Variants in SPHKAP observed in about 807,000 individuals in gnomAD.
SPHKAP encodes the protein A-kinase anchor protein SPHKAP.
In SPHKAP, 67 loss-of-function variants were observed where a neutral mutation model predicts 137.5. The observed-to-expected ratio is 0.49, with a 90% CI of 0.40 to 0.60. The LOEUF is 0.60. Among genes scored for constraint, SPHKAP ranks in the 20% least tolerant of loss-of-function variants. The pLI is 0.00. For synonymous variants in SPHKAP, 813 were observed against 785.3 expected (o/e 1.04, Z -0.59); for missense variants, 2,097 against 2,069.3 (o/e 1.01, Z -0.26).
intron 3 of SPHKAP, among the ~76,000 whole-genome samples, chr2:228,093,492 T>G (rs1485708037): frequency 6.6e-6 from 1 of 152,094 alleles, no homozygotes. Flanking sequence ...CTTGAAAATA[T>G]GCTAAGTGAA....
At chr2:228,136,223 G>A (rs568448032) in intron 1 of SPHKAP, among the ~76,000 whole-genome samples, 15 of 152,164 alleles carry the variant, frequency 9.9e-5, no homozygotes, top group Middle Eastern at 3.4e-3. Flanking sequence ...TTCTTCCCTG[G>A]GAGATTTTCC....
chr2:228,030,536 C>CA (rs1263087267), intron 3 of SPHKAP, among the ~76,000 whole-genome samples: 61 of 41,736 alleles, frequency 1.5e-3, no homozygotes, highest in African/African-American at 2.8e-3. Context: ...AAAAAAACAA[C>CA]AAAAAACAAA....
intron 1 of SPHKAP, among the ~76,000 whole-genome samples, chr2:228,155,111 C>T (rs951275352): frequency 6.6e-6 from 1 of 152,076 alleles, no homozygotes; most frequent in African/African-American, 2.4e-5. Flanking sequence ...TGTACCTTTG[C>T]CCAATTCATT....
At chr2:228,010,487 GCACCA>G (rs1559344401) in intron 7 of SPHKAP, among the ~76,000 whole-genome samples, 57 of 152,230 alleles carry the variant, frequency 3.7e-4, no homozygotes, top group Middle Eastern at 3.4e-3. Flanking sequence ...AGCCGAGATC[GCACCA>G]CTGCACTCTA....
chr2:227,998,112 C>T (rs2396546), intron 7 of SPHKAP, among the ~76,000 whole-genome samples: 110,544 of 152,082 alleles, frequency 0.73, 40,749 homozygotes, highest in African/African-American at 0.85. Context: ...ATATAAGCAA[C>T]TCCCCTGCCT....
chr2:228,010,480 C>T (rs1423180203), intron 7 of SPHKAP, among the ~76,000 whole-genome samples: 3 of 152,092 alleles, frequency 2.0e-5, no homozygotes, highest in Non-Finnish European at 4.4e-5. Context: ...TGCAGTGAGC[C>T]GAGATCGCAC....
At chr2:227,984,889 C>G (rs1475599886) in intron 11 of SPHKAP, among the ~76,000 whole-genome samples, 1 of 152,182 alleles carries the variant, frequency 6.6e-6, no homozygotes, top group Non-Finnish European at 1.5e-5. Flanking sequence ...CTGATGGAAA[C>G]ATGACATTTG....
chr2:228,010,566 G>A (rs1485734543), intron 7 of SPHKAP, among the ~76,000 whole-genome samples: 1 of 152,014 alleles, frequency 6.6e-6, no homozygotes, highest in African/African-American at 2.4e-5. Context: ...ACGGATGGAG[G>A]GCAAGTTGAG....
intron 3 of SPHKAP, among the ~76,000 whole-genome samples, chr2:228,054,303 G>A (rs1484224692): frequency 6.6e-6 from 1 of 152,176 alleles, no homozygotes; most frequent in African/African-American, 2.4e-5. Flanking sequence ...AAGTGCATAT[G>A]AGGGTGAGAA....
In SPHKAP at chr2:228,016,655, T is replaced by A; in HGVS notation, c.4199A>T (p.Asp1400Val). ...GCACGAGGAAGTTTCTTTTTTAGAA[T>A]CTAAAGGGCTGTGGTTTGTAAGAGA... Reference protein sequence around the residue: ...TASLTNHSPLDSKKETSSCQD... With the variant: ...TASLTNHSPLVSKKETSSCQD... Residue 1400 changes from aspartate (D) to valine (V), a missense_variant, in exon 7 of 12, where the codon GAT becomes GTT. Asp to Val is a radical substitution (Grantham distance 152, BLOSUM62 -3). Transcript: ENST00000392056. The A allele has an allele frequency of 6.2e-7, 1 of 1,614,004 alleles. No homozygotes were observed. The highest frequency in any genetic ancestry group is 1.1e-5 in the South Asian group (1 of 91,070).
chr2:228,123,356 C>T (rs753374730), intron 2 of SPHKAP, among the ~76,000 whole-genome samples: 8 of 152,190 alleles, frequency 5.3e-5, no homozygotes, highest in Non-Finnish European at 8.8e-5. Context: ...GCCTGAAGAC[C>T]ACTGACAGGC....
At chr2:228,091,115 C>T (rs1697715020) in intron 3 of SPHKAP, among the ~76,000 whole-genome samples, 1 of 152,030 alleles carries the variant, frequency 6.6e-6, no homozygotes, top group South Asian at 2.1e-4. Flanking sequence ...ATAAGAGACA[C>T]AGTGGAGTTT....
intron 11 of SPHKAP, among the ~76,000 whole-genome samples, chr2:227,990,403 T>C (rs566458983): frequency 1.3e-5 from 2 of 152,306 alleles, no homozygotes; most frequent in East Asian, 3.9e-4. Context: ...GGGAGACAGA[T>C]TCATGCCTTA....
chr2:228,091,795 AG>A (rs1697744101), intron 3 of SPHKAP, among the ~76,000 whole-genome samples: 1 of 152,148 alleles, frequency 6.6e-6, no homozygotes, highest in African/African-American at 2.4e-5. Flanking sequence ...TGTGGTGAAA[AG>A]GGAACACTAC....
chr2:228,076,386 G>C (rs2106308428), intron 3 of SPHKAP, among the ~76,000 whole-genome samples: 1 of 152,328 alleles, frequency 6.6e-6, no homozygotes, highest in African/African-American at 2.4e-5. Context: ...CTCAGAAGAA[G>C]ACAGGAAAAT....
chr2:228,103,190 G>A (rs919273731), intron 3 of SPHKAP, among the ~76,000 whole-genome samples: 2 of 152,126 alleles, frequency 1.3e-5, no homozygotes, highest in Non-Finnish European at 1.5e-5. Flanking sequence ...ACCCCCCACA[G>A]AAACCTAATT....
At chr2:228,023,027 C>T (rs960080366) in intron 5 of SPHKAP, among the ~76,000 whole-genome samples, 1 of 152,068 alleles carries the variant, frequency 6.6e-6, no homozygotes, top group African/African-American at 2.4e-5. Context: ...ATAAAGAGGC[C>T]CAAATTATAG....
chr2:228,053,585 C>T (rs1020025971), intron 3 of SPHKAP, among the ~76,000 whole-genome samples: 9 of 152,116 alleles, frequency 5.9e-5, no homozygotes, highest in Non-Finnish European at 1.2e-4. Context: ...TTTCCCCTAC[C>T]TTTCTCTGGA....
intron 1 of SPHKAP, chr2:228,173,135 G>T: frequency 1.2e-6 from 1 of 859,320 alleles, no homozygotes; most frequent in Non-Finnish European, 1.4e-6. Flanking sequence ...CTCACGTATG[G>T]CAGAGGAGGA....
Sources: allele counts gnomAD v4.1 joint callset (sites outside exome capture counted in the v4.1 genomes callset), GRCh38; gene constraint gnomAD v4.1.1; transcripts MANE v1.5; gene names NCBI Gene and HGNC (gene_info 2026-07-23, HGNC 2026-07-21).